PPARGC1A: variants seen among roughly 807,000 people sequenced by gnomAD.
PPARGC1A encodes the protein peroxisome proliferator-activated receptor gamma coactivator 1-alpha.
A neutral mutation model predicts 88.7 loss-of-function variants in PPARGC1A; 25 were observed. That is an observed-to-expected ratio of 0.28 (90% CI 0.21 to 0.39). The LOEUF is 0.39. Ranked by LOEUF, PPARGC1A falls within the 10% of genes least tolerant of loss-of-function variation. The pLI is 1.00. For synonymous variants in PPARGC1A, 363 were observed against 355.6 expected (o/e 1.02, Z -0.24); for missense variants, 880 against 968.7 (o/e 0.91, Z 1.22).
the PPARGC1A span, among the ~76,000 whole-genome samples, chr4:24,290,602 T>C: frequency 6.6e-6 from 1 of 152,204 alleles, no homozygotes; most frequent in African/African-American, 2.4e-5. Flanking sequence ...CATGATTTCC[T>C]TGAATGCCCA....
At chr4:23,954,249 C>T in the PPARGC1A span, among the ~76,000 whole-genome samples, 363 of 152,178 alleles carry the variant, frequency 2.4e-3, 2 homozygotes, top group Non-Finnish European at 3.7e-3. Flanking sequence ...AGTTTTTCCA[C>T]TCTAGCAGTT....
intron 8 of PPARGC1A, 89 bp downstream of exon 8, chr4:23,813,601 T>C (rs1187476089): frequency 1.6e-6 from 2 of 1,247,302 alleles, no homozygotes; most frequent in African/African-American, 3.1e-5. Context: ...CCAGAATGGC[T>C]GCAGATTTCA....
chr4:24,047,387 G>T, the PPARGC1A span, among the ~76,000 whole-genome samples: 1 of 152,246 alleles, frequency 6.6e-6, no homozygotes, highest in African/African-American at 2.4e-5. Context: ...GTCTGAAGTA[G>T]CCCTTAAATA....
chr4:23,880,729 C>T (rs1210962496), intron 2 of PPARGC1A: 1 of 152,182 alleles, frequency 6.6e-6, no homozygotes, highest in African/African-American at 2.4e-5. Flanking sequence ...CACCACTCAC[C>T]CTTTTCTGCT....
the PPARGC1A span, among the ~76,000 whole-genome samples, chr4:24,394,430 A>G: frequency 6.6e-6 from 1 of 152,210 alleles, no homozygotes; most frequent in Non-Finnish European, 1.5e-5. Context: ...CATGCTTAGC[A>G]CTTCACGACC....
chr4:24,229,516 C>T, the PPARGC1A span, among the ~76,000 whole-genome samples: 2 of 151,434 alleles, frequency 1.3e-5, no homozygotes, highest in Non-Finnish European at 1.5e-5. Flanking sequence ...CACTGGTATA[C>T]CCCTCAAAAG....
chr4:24,405,984 G>A, the PPARGC1A span, among the ~76,000 whole-genome samples: 6 of 143,028 alleles, frequency 4.2e-5, no homozygotes, highest in Non-Finnish European at 6.1e-5. Flanking sequence ...TCATTTCTTC[G>A]TTTTCCTCCC....
chr4:24,379,058 A>G, the PPARGC1A span, among the ~76,000 whole-genome samples: 1 of 152,166 alleles, frequency 6.6e-6, no homozygotes, highest in Admixed American at 6.5e-5. Context: ...TATTTCATGA[A>G]ATCTGTTAAA....
chr4:24,183,077 A>G, the PPARGC1A span, among the ~76,000 whole-genome samples: 2 of 152,202 alleles, frequency 1.3e-5, no homozygotes, highest in Non-Finnish European at 2.9e-5. Context: ...TACTCCAAGT[A>G]GAAATGATGT....
At chr4:24,245,679 AG>A in the PPARGC1A span, among the ~76,000 whole-genome samples, 4 of 152,340 alleles carry the variant, frequency 2.6e-5, no homozygotes, top group African/African-American at 9.6e-5. Flanking sequence ...CTCTCAGAAA[AG>A]GTTTGGACCA....
chr4:24,249,563 T>C, the PPARGC1A span, among the ~76,000 whole-genome samples: 2 of 152,150 alleles, frequency 1.3e-5, no homozygotes, highest in Non-Finnish European at 2.9e-5. Flanking sequence ...CTGTTTACAG[T>C]CAGAGAAGGA....
At chr4:24,203,637 G>T in the PPARGC1A span, among the ~76,000 whole-genome samples, 1 of 152,184 alleles carries the variant, frequency 6.6e-6, no homozygotes, top group South Asian at 2.1e-4. Context: ...AAATGCAAAG[G>T]CATAAAACGT....
chr4:23,936,730 G>A, the PPARGC1A span, among the ~76,000 whole-genome samples: 1 of 152,052 alleles, frequency 6.6e-6, no homozygotes, highest in South Asian at 2.1e-4. Context: ...AATTAACTAG[G>A]CGTCTTGGTG....
At chr4:24,450,126 A>G in the PPARGC1A span, among the ~76,000 whole-genome samples, 32 of 152,360 alleles carry the variant, frequency 2.1e-4, no homozygotes, top group African/African-American at 7.2e-4. Flanking sequence ...AGTCTAGAAG[A>G]GGATGAAGAA....
At chr4:24,172,968 A>G in the PPARGC1A span, among the ~76,000 whole-genome samples, 1 of 152,210 alleles carries the variant, frequency 6.6e-6, no homozygotes, top group Non-Finnish European at 1.5e-5. Context: ...CAGGGATTCT[A>G]TGTCCTGGAT....
intron 10 of PPARGC1A, among the ~76,000 whole-genome samples, chr4:23,809,710 T>A (rs1197357051): frequency 6.6e-6 from 1 of 152,226 alleles, no homozygotes; most frequent in East Asian, 1.9e-4. Context: ...TATTTTACAC[T>A]ATTTTTTTAT....
In PPARGC1A at chr4:23,873,221, A is replaced by AAAAAAAAAAAAAAAAAAG. The variant is rs1297257881; in HGVS notation, c.234+11530_234+11531insCTTTTTTTTTTTTTTTTT. ...TCAAAAATAAAAAATAAAAAATAAA[A>AAAAAAAAAAAAAAAAAAG]AATAAAGAAAAAAATGTGACCAGCC... On this transcript the variant is annotated intron_variant, in intron 2 of 12. Transcript: ENST00000264867. Among the ~76,000 whole-genome samples, 7 of 142,422 alleles carry AAAAAAAAAAAAAAAAAAG rather than the reference A, an allele frequency of 4.9e-5. No homozygotes were observed. The East Asian group carries it at 6.6e-4, about 13-fold the overall frequency. 93.4% of individuals were successfully genotyped at this position (142,422 alleles called of 152,430 possible).
At chr4:24,319,985 C>T in the PPARGC1A span, among the ~76,000 whole-genome samples, 5 of 152,144 alleles carry the variant, frequency 3.3e-5, no homozygotes, top group Admixed American at 6.5e-5. Context: ...CACAGGTGTG[C>T]CTCACATTAT....
the PPARGC1A span, among the ~76,000 whole-genome samples, chr4:23,991,638 C>G: frequency 2.6e-5 from 4 of 151,952 alleles, no homozygotes; most frequent in African/African-American, 9.7e-5. Flanking sequence ...CCCCAACAAC[C>G]CTGCAAACTA....
Sources: allele counts gnomAD v4.1 joint callset (sites outside exome capture counted in the v4.1 genomes callset), GRCh38; gene constraint gnomAD v4.1.1; transcripts MANE v1.5; gene names NCBI Gene and HGNC (gene_info 2026-07-23, HGNC 2026-07-21).